The following IQSEC3 variants were observed in gnomAD, a reference collection of about 807,000 sequenced individuals.
The protein encoded by IQSEC3 is IQ motif and SEC7 domain-containing protein 3.
IQSEC3 carries 50 observed loss-of-function variants against 105.4 expected under a neutral mutation model. The observed-to-expected ratio is 0.47, with a 90% CI of 0.38 to 0.60. IQSEC3 has a LOEUF of 0.60. Ranked by LOEUF, IQSEC3 falls within the 20% of genes least tolerant of loss-of-function variation. The pLI, the probability that IQSEC3 is intolerant of heterozygous loss-of-function variation, is 0.00. For synonymous variants in IQSEC3, 708 were observed against 746.0 expected, an observed-to-expected ratio of 0.95 and a Z score of 0.83; for missense variants, 1,415 against 1,630.0, an observed-to-expected ratio of 0.87 and a Z score of 2.27.
At chr12:86,395 G>A (rs945574823) in intron 1 of IQSEC3, among the ~76,000 whole-genome samples, 2 of 152,152 alleles carry the variant, frequency 1.3e-5, no homozygotes, top group African/African-American at 2.4e-5. Context: ...ATGGGTACAG[G>A]CTTTGCTGTC....
At chr12:85,509 C>T (rs1330772160) in intron 1 of IQSEC3, among the ~76,000 whole-genome samples, 1 of 152,256 alleles carries the variant, frequency 6.6e-6, no homozygotes, top group Non-Finnish European at 1.5e-5. Context: ...AGCTGGGCAA[C>T]TAAATGGCTC....
chr12:156,054 G>A (rs1467521710), intron 5 of IQSEC3, among the ~76,000 whole-genome samples: 2 of 152,190 alleles, frequency 1.3e-5, no homozygotes, highest in African/African-American at 4.8e-5. Context: ...GCAGGGTGAG[G>A]GGACTGGGAG....
chr12:108,578 G>A (rs1289585325), intron 2 of IQSEC3, among the ~76,000 whole-genome samples: 1 of 152,212 alleles, frequency 6.6e-6, no homozygotes, highest in Non-Finnish European at 1.5e-5. Flanking sequence ...TCTATCATAT[G>A]TAAACAGTTA....
At chr12:168,838 G>T (rs1239549763) in intron 11 of IQSEC3, 175 bp from the exon 12 acceptor site, 2 of 624,648 alleles carry the variant, frequency 3.2e-6, no homozygotes, top group Non-Finnish European at 5.7e-6. Flanking sequence ...CGGCTCCGAG[G>T]GGGTATTTAA....
chr12:158,206 A>G (rs1343322351), intron 7 of IQSEC3, among the ~76,000 whole-genome samples: 1 of 152,092 alleles, frequency 6.6e-6, no homozygotes, highest in African/African-American at 2.4e-5. Context: ...AAAGAATCAA[A>G]GTTATACATC....
At chr12:165,142 A>G (rs1207441379) in intron 9 of IQSEC3, among the ~76,000 whole-genome samples, 2 of 152,232 alleles carry the variant, frequency 1.3e-5, no homozygotes, top group Non-Finnish European at 2.9e-5. Context: ...CAGGGAGGAC[A>G]CTTGGGCAGA....
chr12:82,185 G>C (rs1464870404), intron 1 of IQSEC3, among the ~76,000 whole-genome samples: 1 of 152,186 alleles, frequency 6.6e-6, no homozygotes, highest in Non-Finnish European at 1.5e-5. Context: ...TTAGAAAATT[G>C]TTAATTTAGT....
At chr12:124,896 T>G (rs553165081) in intron 2 of IQSEC3, among the ~76,000 whole-genome samples, 1 of 152,210 alleles carries the variant, frequency 6.6e-6, no homozygotes. Context: ...TGGCTCAGCC[T>G]GCTGTGGCTC....
At chr12:107,063 A>C (rs892840884) in intron 2 of IQSEC3, among the ~76,000 whole-genome samples, 1 of 152,184 alleles carries the variant, frequency 6.6e-6, no homozygotes, top group Non-Finnish European at 1.5e-5. Flanking sequence ...AAAAAAACAA[A>C]ACAGGAAGGA....
chr12:132,655 C>T (rs974698607), intron 3 of IQSEC3, among the ~76,000 whole-genome samples: 1 of 152,090 alleles, frequency 6.6e-6, no homozygotes, highest in Non-Finnish European at 1.5e-5. Context: ...ACAGGGCAAA[C>T]GAAAACCCCA....
intron 11 of IQSEC3, chr12:167,391 A>C (rs1289278265): frequency 6.6e-6 from 1 of 152,230 alleles, no homozygotes; most frequent in African/African-American, 2.4e-5. Context: ...CCAAAGTCAC[A>C]GAGGAGCAGA....
chr12:157,396 A>T, intron 6 of IQSEC3, 132 bp from the exon 7 acceptor site: 1 of 1,157,502 alleles, frequency 8.6e-7, no homozygotes, highest in Non-Finnish European at 1.2e-6. Flanking sequence ...AGAGTATGGG[A>T]CAGACACTGG....
At chr12:170,610 G>A (rs1361244591) in intron 12 of IQSEC3, among the ~76,000 whole-genome samples, 5 of 152,208 alleles carry the variant, frequency 3.3e-5, no homozygotes, top group Admixed American at 6.5e-5. Flanking sequence ...GTGCCAGGCC[G>A]GCCAGAAGGC....
intron 2 of IQSEC3, among the ~76,000 whole-genome samples, chr12:118,880 C>A (rs1230693850): frequency 1.3e-5 from 2 of 152,196 alleles, no homozygotes; most frequent in African/African-American, 4.8e-5. Context: ...CCTGGGAGCC[C>A]AGAGAGGCTC....
At chr12:169,869 G>A (rs997022040) in intron 12 of IQSEC3, among the ~76,000 whole-genome samples, 2 of 152,290 alleles carry the variant, frequency 1.3e-5, no homozygotes, top group Non-Finnish European at 1.5e-5. Flanking sequence ...TAGTTAACTC[G>A]GTCACTTACT....
intron 5 of IQSEC3, 124 bp downstream of exon 5, chr12:141,409 C>T: frequency 8.7e-6 from 9 of 1,038,688 alleles, no homozygotes. Context: ...TCCAGATTGT[C>T]CACAGGAACC....
Position 138,313 on chromosome 12 carries a change from G to A in IQSEC3, c.950G>A (p.Arg317His), listed in dbSNP as rs549877508. 1.1e-5 allele frequency: 17 copies of A among 1,613,820 alleles called. No homozygotes were observed. The highest frequency in any genetic ancestry group is 6.7e-5 in the African/African-American group (5 of 75,036). ...TACGGCGGTCACCTGGTGTCCCGGC[G>A]CGCCGCTTGCACCATCCAAACCGCC... Reference protein sequence around the residue: ...HKYGGHLVSRRAACTIQTAFR... With the variant: ...HKYGGHLVSRHAACTIQTAFR... Residue 317 changes from arginine to histidine, a missense_variant, in exon 4 of 14, where the codon CGC becomes CAC. Transcript: ENST00000538872. This position sits in a 1 kb window ranked among gnomAD's most constrained non-coding sequence, Gnocchi z 7.1.
intron 7 of IQSEC3, among the ~76,000 whole-genome samples, chr12:159,179 T>C (rs1174152340): frequency 1.3e-5 from 2 of 152,176 alleles, no homozygotes; most frequent in Non-Finnish European, 2.9e-5. Flanking sequence ...TCTCTTTCCA[T>C]TTGCTTAACT....
At position 141,302 on chromosome 12, in the gene IQSEC3, C is replaced by T. The variant is rs1310350128; in HGVS notation, c.2153+17C>T. 6.2e-7 allele frequency: 1 copy of T among 1,603,454 alleles called. No individual in the cohort carries two copies. Among genetic ancestry groups the T allele is most frequent in the Non-Finnish European group, 8.5e-7 (1 of 1,171,566 alleles). On this transcript the variant is annotated intron_variant, in intron 5 of 13. Coordinates refer to ENST00000538872, the MANE Select transcript of IQSEC3 (RefSeq NM_001170738.2). ...CGTGCTGGAGTGAGTACCCCACACT[C>T]CGGGCTTTCCCCACTCCTTCCCACA...
Sources: allele counts gnomAD v4.1 joint callset (sites outside exome capture counted in the v4.1 genomes callset), GRCh38; gene constraint gnomAD v4.1.1; non-coding constraint Gnocchi (gnomAD v3.1); transcripts MANE v1.5; gene names NCBI Gene and HGNC (gene_info 2026-07-23, HGNC 2026-07-21).